The following EBF2 variants were observed in gnomAD, a reference collection of about 807,000 sequenced individuals.
EBF2 encodes the protein transcription factor COE2.
A neutral mutation model predicts 72.8 loss-of-function variants in EBF2; 21 were observed. The observed-to-expected ratio is 0.29, with a 90% CI of 0.20 to 0.42. The LOEUF is 0.42. EBF2 is among the 10% of genes least tolerant of loss of function. EBF2 has a pLI of 1.00. For missense variants in EBF2, 637 were observed against 731.2 expected (o/e 0.87, Z 1.49); for synonymous variants, 299 against 274.2 (o/e 1.09, Z -0.89).
intron 6 of EBF2, among the ~76,000 whole-genome samples, chr8:25,910,385 T>A (rs1205113393): frequency 6.6e-6 from 1 of 152,110 alleles, no homozygotes; most frequent in East Asian, 1.9e-4. Flanking sequence ...ATTTACGACT[T>A]ACATTTTTCC....
At chr8:26,006,725 C>T (rs748555614) in intron 6 of EBF2, among the ~76,000 whole-genome samples, 1 of 152,168 alleles carries the variant, frequency 6.6e-6, no homozygotes, top group Admixed American at 6.5e-5. Flanking sequence ...ACAGGGCACA[C>T]GGCCAAGTCC....
Position 25,844,637 on chromosome 8 carries a change from A to G in EBF2, c.1700T>C (p.Met567Thr). The G allele has an allele frequency of 6.2e-7, 1 of 1,614,050 alleles. No homozygotes were observed. The highest frequency in any genetic ancestry group is 1.1e-5 in the South Asian group (1 of 91,090). The part of the protein sequence containing the change: ...SSGNGNGFRA[M>T]TGLVVPPM ...CATCGGGGGTACAACAAGTCCGGTC[A>G]TGGCTGCAAGGAAAGAGTGGCACAG... is the stretch of plus-strand genomic sequence containing the variant. The change falls in exon 16 of 16, where the codon ATG (methionine) becomes ACG (threonine). Residue 567 changes from methionine (M) to threonine (T), a missense_variant. Met to Thr is a moderately conservative substitution (Grantham distance 81, BLOSUM62 -1). Around this residue, in one of 3 missense-constraint regions of EBF2, gnomAD observed 259 missense variants for 268.1 expected, o/e 0.97. Transcript: ENST00000520164.
chr8:25,863,430 G>C (rs1332659902), intron 10 of EBF2, among the ~76,000 whole-genome samples: 2 of 152,092 alleles, frequency 1.3e-5, no homozygotes, highest in Non-Finnish European at 2.9e-5. Flanking sequence ...CTTAGTGTCA[G>C]TAATTATAAA....
intron 6 of EBF2, among the ~76,000 whole-genome samples, chr8:25,954,955 G>GGA (rs1192471679): frequency 6.6e-6 from 1 of 152,222 alleles, no homozygotes; most frequent in Non-Finnish European, 1.5e-5. Flanking sequence ...TAGGGACCTG[G>GGA]GGTCTGTGCT....
intron 15 of EBF2, 57 bp from the exon 16 acceptor site, chr8:25,844,697 A>G: frequency 6.3e-7 from 1 of 1,597,926 alleles, no homozygotes; most frequent in Non-Finnish European, 8.6e-7. Context: ...GTTCAAGGCT[A>G]TGACACAGAA....
Position 25,844,082 on chromosome 8 carries a change from A to G in EBF2, c.*527T>C, listed in dbSNP as rs183018111. The G allele has an allele frequency of 6.5e-6, 1 of 152,830 alleles. No individual in the cohort carries two copies. Among genetic ancestry groups the G allele is most frequent in the African/African-American group, 2.4e-5 (1 of 41,566 alleles). The allele number at this position is 152,830 out of a possible 1,614,324, so 9.5% of individuals were successfully genotyped here. ...GTTCATTTTTTAAAGAGATTAAGCT[A>G]TAAGCAAACACACATACAACATTTC... On this transcript the variant is annotated 3_prime_UTR_variant, in exon 16 of 16. Coordinates refer to ENST00000520164, the MANE Select transcript of EBF2 (RefSeq NM_022659.4).
intron 6 of EBF2, among the ~76,000 whole-genome samples, chr8:26,017,463 C>CA (rs1805129488): frequency 6.6e-6 from 1 of 152,126 alleles, no homozygotes; most frequent in Non-Finnish European, 1.5e-5. Context: ...TTCCTAGATG[C>CA]AAATGAGCCC....
At chr8:25,938,005 A>G (rs947971772) in intron 6 of EBF2, among the ~76,000 whole-genome samples, 1 of 152,222 alleles carries the variant, frequency 6.6e-6, no homozygotes, top group African/African-American at 2.4e-5. Context: ...GAAAAAAAGC[A>G]GTAACTTTTA....
At chr8:25,861,478 A>C in intron 11 of EBF2, 104 bp from the exon 12 acceptor site, 2 of 1,255,348 alleles carry the variant, frequency 1.6e-6, no homozygotes, top group Non-Finnish European at 2.3e-6. Context: ...CCCTCCCAAA[A>C]TGTAAGTAAT....
intron 7 of EBF2, among the ~76,000 whole-genome samples, chr8:25,906,992 T>C (rs1803044174): frequency 6.6e-6 from 1 of 152,120 alleles, no homozygotes; most frequent in African/African-American, 2.4e-5. Flanking sequence ...TATGGCCATC[T>C]TCCTGTTAAC....
At chr8:25,915,282 GA>G (rs201070548) in intron 6 of EBF2, among the ~76,000 whole-genome samples, 224 of 139,160 alleles carry the variant, frequency 1.6e-3, no homozygotes, top group Middle Eastern at 7.2e-3. Context: ...CCAAGCTTTG[GA>G]AAAAAAAAAA....
At chr8:25,857,391 G>A (rs1007723854) in intron 14 of EBF2, among the ~76,000 whole-genome samples, 6 of 152,132 alleles carry the variant, frequency 3.9e-5, no homozygotes, top group East Asian at 1.9e-4. Flanking sequence ...TATGGTGGAC[G>A]TGGCTGCATG....
chr8:25,984,629 C>T (rs1804417846), intron 6 of EBF2, among the ~76,000 whole-genome samples: 1 of 152,066 alleles, frequency 6.6e-6, no homozygotes, highest in Non-Finnish European at 1.5e-5. Flanking sequence ...TTGCAATGAG[C>T]CGACAGGGTG....
chr8:25,847,104 C>T (rs1801856225), intron 15 of EBF2, among the ~76,000 whole-genome samples: 2 of 152,150 alleles, frequency 1.3e-5, no homozygotes, highest in African/African-American at 4.8e-5. Context: ...AACTGCTTAA[C>T]TAAGAATGGT....
intron 6 of EBF2, among the ~76,000 whole-genome samples, chr8:26,013,491 A>G (rs1285127253): frequency 6.6e-6 from 1 of 152,110 alleles, no homozygotes; most frequent in Non-Finnish European, 1.5e-5. Flanking sequence ...GGCGGTTCTA[A>G]TCATCTGTCT....
chr8:25,990,619 A>G (rs1315443094), intron 6 of EBF2, among the ~76,000 whole-genome samples: 1 of 152,222 alleles, frequency 6.6e-6, no homozygotes, highest in Non-Finnish European at 1.5e-5. Flanking sequence ...ACAATGGACC[A>G]GCCTGGAAAT....
At chr8:26,014,205 T>G (rs11998023) in intron 6 of EBF2, among the ~76,000 whole-genome samples, 22,716 of 152,078 alleles carry the variant, frequency 0.15, 1,793 homozygotes, top group Non-Finnish European at 0.18. Flanking sequence ...AAATCTTAAC[T>G]TATCAAAGAT....
chr8:25,857,619 G>A (rs1008153876), intron 14 of EBF2, among the ~76,000 whole-genome samples: 4 of 152,104 alleles, frequency 2.6e-5, no homozygotes, highest in Admixed American at 6.6e-5. Flanking sequence ...GTAACTTCCC[G>A]GCATACCTCC....
At chr8:25,852,309 A>G (rs17054481) in intron 14 of EBF2, among the ~76,000 whole-genome samples, 2,790 of 149,358 alleles carry the variant, frequency 0.019, 99 homozygotes, top group African/African-American at 0.068. Flanking sequence ...AGTGAAATAG[A>G]AAAAATCCAA....
Sources: allele counts gnomAD v4.1 joint callset (sites outside exome capture counted in the v4.1 genomes callset), GRCh38; gene constraint gnomAD v4.1.1; regional missense constraint gnomAD v4.1.1; transcripts MANE v1.5; gene names NCBI Gene and HGNC (gene_info 2026-07-23, HGNC 2026-07-21).